The following AKAP19 variants were observed in gnomAD, a reference collection of about 807,000 sequenced individuals.
AKAP19 encodes A-kinase anchoring protein 19, also known as small A-kinase anchoring protein.
the AKAP19 span, among the ~76,000 whole-genome samples, chr2:190,050,694 CA>C: frequency 8.5e-5 from 13 of 152,236 alleles, 1 homozygote; most frequent in East Asian, 1.7e-3. Flanking sequence ...GTATCAAATA[CA>C]AAGAAATAGT....
the AKAP19 span, chr2:189,930,891 C>T: frequency 1.3e-5 from 9 of 719,960 alleles, no homozygotes; most frequent in Non-Finnish European, 1.5e-5. Flanking sequence ...GAACCTGTTC[C>T]TGATATGGCA....
the AKAP19 span, among the ~76,000 whole-genome samples, chr2:190,194,857 G>T: frequency 6.7e-3 from 1,020 of 152,020 alleles, 12 homozygotes; most frequent in African/African-American, 0.022. Flanking sequence ...CCCATGGCTG[G>T]ATTATTATTT....
the AKAP19 span, among the ~76,000 whole-genome samples, chr2:189,882,546 T>C: frequency 8.1e-3 from 1,228 of 152,292 alleles, 12 homozygotes; most frequent in African/African-American, 0.028. Context: ...GTTGCATTCT[T>C]TTGATTCCTT....
the AKAP19 span, among the ~76,000 whole-genome samples, chr2:189,968,636 CTAAAA>C: frequency 1.3e-5 from 2 of 151,980 alleles, no homozygotes; most frequent in Non-Finnish European, 2.9e-5. Flanking sequence ...ATAAGCACAT[CTAAAA>C]TAAAAGGGTG....
At chr2:189,966,290 C>A in the AKAP19 span, among the ~76,000 whole-genome samples, 1 of 152,006 alleles carries the variant, frequency 6.6e-6, no homozygotes, top group Non-Finnish European at 1.5e-5. Context: ...CACTAAATAA[C>A]CTACCCATGT....
the AKAP19 span, among the ~76,000 whole-genome samples, chr2:189,943,493 G>A: frequency 3.9e-5 from 6 of 152,350 alleles, no homozygotes; most frequent in African/African-American, 1.4e-4. Context: ...AGCCCTCATA[G>A]AGAACCTCTA....
the AKAP19 span, chr2:190,057,477 T>A: frequency 6.2e-7 from 1 of 1,613,542 alleles, no homozygotes; most frequent in Non-Finnish European, 8.5e-7. Context: ...TGGCCTTATA[T>A]CTTTTAGGAG....
chr2:189,966,509 A>G, the AKAP19 span, among the ~76,000 whole-genome samples: 1 of 152,204 alleles, frequency 6.6e-6, no homozygotes, highest in Admixed American at 6.5e-5. Flanking sequence ...AGAACAGATT[A>G]GTGGTCACCA....
the AKAP19 span, among the ~76,000 whole-genome samples, chr2:190,191,187 G>T: frequency 6.6e-6 from 1 of 152,088 alleles, no homozygotes; most frequent in South Asian, 2.1e-4. Flanking sequence ...ACCCAGGCTG[G>T]AGTGCAGTTG....
the AKAP19 span, among the ~76,000 whole-genome samples, chr2:190,081,097 A>G: frequency 2.6e-5 from 4 of 152,170 alleles, no homozygotes; most frequent in Non-Finnish European, 4.4e-5. Context: ...TGCAGAAAGG[A>G]ATGGCCCTGC....
chr2:189,986,603 A>G, the AKAP19 span, among the ~76,000 whole-genome samples: 1 of 152,106 alleles, frequency 6.6e-6, no homozygotes, highest in Non-Finnish European at 1.5e-5. Context: ...TTTAGGATAC[A>G]GAAGCAGTTG....
the AKAP19 span, among the ~76,000 whole-genome samples, chr2:189,887,048 C>T: frequency 6.6e-6 from 1 of 152,032 alleles, no homozygotes; most frequent in Non-Finnish European, 1.5e-5. Context: ...CATGCAGATT[C>T]GTTACATAGG....
chr2:190,169,473 A>T, the AKAP19 span, among the ~76,000 whole-genome samples: 1 of 152,218 alleles, frequency 6.6e-6, no homozygotes, highest in Admixed American at 6.5e-5. Flanking sequence ...TTAGGGCCTG[A>T]CCTTCTCAGT....
At chr2:189,887,726 A>T in the AKAP19 span, among the ~76,000 whole-genome samples, 3 of 152,066 alleles carry the variant, frequency 2.0e-5, no homozygotes, top group African/African-American at 7.2e-5. Context: ...ACCAGTGATG[A>T]TGAGCTTTTT....
the AKAP19 span, among the ~76,000 whole-genome samples, chr2:190,149,202 A>T: frequency 6.6e-6 from 1 of 152,118 alleles, no homozygotes; most frequent in Non-Finnish European, 1.5e-5. Flanking sequence ...ACCTCAGGTG[A>T]TCCACCTGCC....
At chr2:190,197,920 A>G in the AKAP19 span, among the ~76,000 whole-genome samples, 17 of 152,258 alleles carry the variant, frequency 1.1e-4, no homozygotes, top group Admixed American at 6.5e-4. The surrounding 1 kb of genome is among the most constrained non-coding windows in gnomAD (Gnocchi z 4.0). Flanking sequence ...TTCTCCAAGT[A>G]ATTTTTTTCA....
the AKAP19 span, among the ~76,000 whole-genome samples, chr2:190,032,210 G>A: frequency 6.6e-6 from 1 of 152,050 alleles, no homozygotes; most frequent in Non-Finnish European, 1.5e-5. Context: ...TAAATTTACA[G>A]GAATTTCAGG....
the AKAP19 span, among the ~76,000 whole-genome samples, chr2:190,196,882 A>G: frequency 5.3e-5 from 8 of 152,304 alleles, no homozygotes; most frequent in South Asian, 1.7e-3. Flanking sequence ...ATAACAAAAT[A>G]CCAGAGACTA....
At chr2:190,106,829 T>A in the AKAP19 span, among the ~76,000 whole-genome samples, 1 of 152,304 alleles carries the variant, frequency 6.6e-6, no homozygotes, top group South Asian at 2.1e-4. Flanking sequence ...CTCATTAGGA[T>A]TTAGGGCAAA....
Sources: allele counts gnomAD v4.1 joint callset (sites outside exome capture counted in the v4.1 genomes callset), GRCh38; gene constraint gnomAD v4.1.1; non-coding constraint Gnocchi (gnomAD v3.1); transcripts MANE v1.5; gene names NCBI Gene and HGNC (gene_info 2026-07-23, HGNC 2026-07-21).